FOXN3: variants seen among roughly 807,000 people sequenced by gnomAD.
FOXN3 encodes forkhead box N3.
FOXN3 carries 7 observed loss-of-function variants against 38.4 expected under a neutral mutation model. That is an observed-to-expected ratio of 0.18 (90% confidence interval 0.10 to 0.34). The LOEUF (loss-of-function observed/expected upper bound fraction) is 0.34. Ranked by LOEUF, FOXN3 falls within the 10% of genes least tolerant of loss-of-function variation. The pLI, the probability that FOXN3 is intolerant of heterozygous loss-of-function variation, is 1.00. For missense variants in FOXN3, 456 were observed against 613.4 expected (o/e 0.74, Z 2.71); for synonymous variants, 230 against 242.2 (o/e 0.95, Z 0.47).
At chr14:89,523,974 G>A (rs1894373078) in intron 1 of FOXN3, among the ~76,000 whole-genome samples, 1 of 151,598 alleles carries the variant, frequency 6.6e-6, no homozygotes, top group African/African-American at 2.4e-5. Flanking sequence ...TGTTGGTGAG[G>A]CTGGTCTCGA....
chr14:89,258,634 T>G (rs1254676417), intron 4 of FOXN3, among the ~76,000 whole-genome samples: 1 of 152,246 alleles, frequency 6.6e-6, no homozygotes, highest in Non-Finnish European at 1.5e-5. Context: ...TGTAAGCAGC[T>G]TTTTTCAGAA....
At chr14:89,199,169 AGTTG>A (rs1247506276) in intron 4 of FOXN3, among the ~76,000 whole-genome samples, 2 of 152,192 alleles carry the variant, frequency 1.3e-5, no homozygotes, top group East Asian at 3.9e-4. Context: ...TTGAGAAAGA[AGTTG>A]CCCGAGTGAG....
At chr14:89,585,881 G>A (rs1346751027) in intron 1 of FOXN3, among the ~76,000 whole-genome samples, 5 of 152,176 alleles carry the variant, frequency 3.3e-5, no homozygotes, top group Non-Finnish European at 7.4e-5. Context: ...GGTAGGGCAG[G>A]ATGAAGGAGA....
intron 1 of FOXN3, among the ~76,000 whole-genome samples, chr14:89,500,436 T>C (rs1403547729): frequency 6.6e-6 from 1 of 152,192 alleles, no homozygotes; most frequent in Admixed American, 6.5e-5. Context: ...GCATCTGGCA[T>C]GATAGAGACT....
chr14:89,211,069 G>A (rs1884078253), intron 4 of FOXN3, among the ~76,000 whole-genome samples: 1 of 152,150 alleles, frequency 6.6e-6, no homozygotes, highest in Admixed American at 6.5e-5. Flanking sequence ...TTCACATAAA[G>A]ATGTTAATTC....
At chr14:89,293,278 G>A (rs900016878) in intron 3 of FOXN3, among the ~76,000 whole-genome samples, 1 of 152,190 alleles carries the variant, frequency 6.6e-6, no homozygotes, top group East Asian at 1.9e-4. Context: ...CCCAGGGCAC[G>A]CTCTCCATGC....
At chr14:89,241,399 T>C (rs1471460681) in intron 4 of FOXN3, among the ~76,000 whole-genome samples, 1 of 152,166 alleles carries the variant, frequency 6.6e-6, no homozygotes, top group Non-Finnish European at 1.5e-5. Context: ...CACCGTGAGC[T>C]TGTGAAAATT....
chr14:89,450,604 T>A (rs375428710), intron 1 of FOXN3, among the ~76,000 whole-genome samples: 5 of 144,068 alleles, frequency 3.5e-5, no homozygotes, highest in South Asian at 2.2e-4. Context: ...TTTTTTTTTT[T>A]AGACAGAGTC....
chr14:89,266,915 C>G (rs1317967945), intron 4 of FOXN3, among the ~76,000 whole-genome samples: 1 of 152,162 alleles, frequency 6.6e-6, no homozygotes, highest in Non-Finnish European at 1.5e-5. Context: ...GCGAAGCTCA[C>G]CCAGTAATGA....
chr14:89,533,502 A>C (rs34682676), intron 1 of FOXN3, among the ~76,000 whole-genome samples: 35,223 of 151,896 alleles, frequency 0.23, 4,269 homozygotes, highest in Middle Eastern at 0.29. Flanking sequence ...TCTCTACTAA[A>C]AATACAGAAA....
At chr14:89,193,592 T>A (rs1346357393) in intron 4 of FOXN3, among the ~76,000 whole-genome samples, 1 of 152,146 alleles carries the variant, frequency 6.6e-6, no homozygotes, top group Non-Finnish European at 1.5e-5. Flanking sequence ...CTTATGGCTA[T>A]CGCTGAGTGG....
At chr14:89,426,663 G>A (rs1892037482) in intron 1 of FOXN3, among the ~76,000 whole-genome samples, 1 of 152,190 alleles carries the variant, frequency 6.6e-6, no homozygotes, top group South Asian at 2.1e-4. Flanking sequence ...GTGTTCTAAA[G>A]CTCCGAAAAT....
intron 1 of FOXN3, among the ~76,000 whole-genome samples, chr14:89,416,366 C>A (rs943361135): frequency 7.2e-5 from 11 of 152,194 alleles, no homozygotes; most frequent in Non-Finnish European, 1.0e-4. Flanking sequence ...GAAAACAAAT[C>A]AATAAAAGCC....
intron 1 of FOXN3, among the ~76,000 whole-genome samples, chr14:89,466,033 C>A (rs527626738): frequency 2.6e-5 from 4 of 152,372 alleles, no homozygotes; most frequent in Admixed American, 2.0e-4. Context: ...AGCTGCCCCC[C>A]ACATAAGTCA....
chr14:89,199,273 A>T (rs938955307), intron 4 of FOXN3, among the ~76,000 whole-genome samples: 1 of 152,216 alleles, frequency 6.6e-6, no homozygotes, highest in African/African-American at 2.4e-5. Flanking sequence ...GTGAGACAGG[A>T]GACAAAGTGA....
intron 2 of FOXN3, among the ~76,000 whole-genome samples, chr14:89,372,031 C>T (rs182893282): frequency 4.6e-5 from 7 of 152,272 alleles, no homozygotes; most frequent in Admixed American, 3.3e-4. Context: ...CCTCTCCCCA[C>T]AGTTTCTTCT....
chr14:89,588,131 A>T (rs1895881818), intron 1 of FOXN3, among the ~76,000 whole-genome samples: 1 of 151,944 alleles, frequency 6.6e-6, no homozygotes, highest in African/African-American at 2.4e-5. Context: ...TTCTCGCAAG[A>T]CCTGGTCATT....
chr14:89,364,622 T>C (rs1890081987), intron 2 of FOXN3: 1 of 152,208 alleles, frequency 6.6e-6, no homozygotes, highest in Admixed American at 6.5e-5. Context: ...ATATCAGATA[T>C]GAAAAGGCTT....
At chr14:89,268,876 C>T (rs142027446) in intron 4 of FOXN3, among the ~76,000 whole-genome samples, 20 of 152,302 alleles carry the variant, frequency 1.3e-4, no homozygotes, top group African/African-American at 4.1e-4. Context: ...TGTGAGCCAC[C>T]GCAACTTGGG....
Sources: allele counts gnomAD v4.1 joint callset (sites outside exome capture counted in the v4.1 genomes callset), GRCh38; gene constraint gnomAD v4.1.1; transcripts MANE v1.5; gene names NCBI Gene and HGNC (gene_info 2026-07-23, HGNC 2026-07-21).